The following CCDC136 variants were observed in gnomAD, a reference collection of about 807,000 sequenced individuals.
The protein encoded by CCDC136 is coiled-coil domain-containing protein 136.
Under a neutral mutation model 141.2 loss-of-function variants are expected in CCDC136, and 100 were observed. That is an observed-to-expected ratio of 0.71 (90% confidence interval 0.60 to 0.84). The LOEUF is 0.84. CCDC136 is among the 40% of genes least tolerant of loss of function. The probability of loss-of-function intolerance (pLI) is 0.00; values close to 1 mark genes in which losing one functional copy is unlikely to be tolerated. For missense variants in CCDC136, 1,206 were observed against 1,379.4 expected (o/e 0.87, Z 1.99); for synonymous variants, 474 against 531.9 (o/e 0.89, Z 1.50).
intron 1 of CCDC136, among the ~76,000 whole-genome samples, chr7:128,792,764 A>G (rs902363432): frequency 6.6e-6 from 1 of 152,232 alleles, no homozygotes; most frequent in African/African-American, 2.4e-5. Context: ...CCCAGATCCC[A>G]AGCTGTCTCT....
At position 128,806,381 on chromosome 7, in the gene CCDC136, A is replaced by G. The variant is rs550176427; in HGVS notation, c.1234A>G (p.Asn412Asp). The G allele has an allele frequency of 1.1e-5, 17 of 1,602,946 alleles. No homozygotes were observed. In the South Asian group the frequency reaches 1.6e-4, roughly 15 times the overall value. Residue 412 changes from asparagine (N) to aspartate (D), a missense_variant, in exon 8 of 18, where the codon AAC becomes GAC. Asn to Asp is a conservative substitution (Grantham distance 23). Coordinates refer to ENST00000297788, the MANE Select transcript of CCDC136 (RefSeq NM_022742.5). ...AGTCATGAAATCCACACTTGTAGAA[A>G]ACCAGAGTGAGAAGGTAACAGCAAC... ...LKVMKSTLVE[N>D]QSEKELLCRL...
Position 128,814,092 on chromosome 7 carries a change from C to CT in CCDC136, c.2764-534dup, listed in dbSNP as rs1311663497. On this transcript the variant is annotated intron_variant, in intron 14 of 17. Transcript: ENST00000297788. Reference sequence around the variant, plus strand: ...CCATTTAAATCATTGTTTTGACCTTCTTTTTTTTTTTTGAGACAGAGTCTT... The same window carrying CT: ...CCATTTAAATCATTGTTTTGACCTTCTTTTTTTTTTTTTGAGACAGAGTCTT... Among the ~76,000 whole-genome samples the CT allele has an allele frequency of 3.9e-3, 563 of 145,306 alleles. 3 individuals are homozygous for CT. Among genetic ancestry groups the CT allele is most frequent in the East Asian group, 0.015 (73 of 4,940 alleles).
At chr7:128,796,743 T>TATATATATATATATATATATA (rs1282909541) in intron 3 of CCDC136, among the ~76,000 whole-genome samples, 9 of 99,478 alleles carry the variant, frequency 9.0e-5, no homozygotes, top group East Asian at 6.1e-4. Context: ...ATATATATTC[T>TATATATATATATATATATATA]TTTTTTTTTT....
At position 128,795,111 on chromosome 7, in the gene CCDC136, G is replaced by A. The variant is rs948577097; in HGVS notation, c.346+343G>A. 5.3e-5 allele frequency among the ~76,000 whole-genome samples: 8 copies of A among 152,164 alleles called. No individual in the cohort carries two copies. In the South Asian group the frequency reaches 1.5e-3, roughly 28 times the overall value. ...CCTTTGTTCTCCTGGTCAGTGCCAG[G>A]GGTGGGTGATCCAAGTTGAATTCCA... On this transcript the variant is annotated intron_variant, in intron 3 of 17. Transcript: ENST00000297788.
upstream of CCDC136, among the ~76,000 whole-genome samples, chr7:128,791,249 A>G (rs1802124179): frequency 6.6e-6 from 1 of 151,488 alleles, no homozygotes; most frequent in South Asian, 2.1e-4. This position sits in a 1 kb window ranked among gnomAD's most constrained non-coding sequence, Gnocchi z 7.1. Flanking sequence ...TCTCTAGGGG[A>G]GAGCCTTGGG....
At chr7:128,791,855 C>G (rs1260046532), upstream of CCDC136, 3 of 392,074 alleles carry the variant, frequency 7.7e-6, no homozygotes, top group African/African-American at 4.2e-5. The surrounding 1 kb of genome is among the most constrained non-coding windows in gnomAD (Gnocchi z 7.1). Context: ...CCCGGAGACT[C>G]CTGAGCGCGG....
Position 128,792,385 on chromosome 7 carries a change from C to T in CCDC136, c.-27C>T. On this transcript the variant is annotated 5_prime_UTR_variant, in exon 1 of 18. It adds an upstream start codon to the 5' untranslated region. Transcript: ENST00000297788. The stretch of plus-strand genomic sequence containing the variant: ...GGGCTGTGAGAGGAAGAAGGGCCAA[C>T]GCTGGGGGTCCCTGGAACGACGGGG... 1.2e-6 allele frequency: 2 copies of T among 1,604,702 alleles called. No individual in the cohort carries two copies. Among genetic ancestry groups the T allele is most frequent in the Non-Finnish European group, 1.7e-6 (2 of 1,174,882 alleles).
intron 17 of CCDC136, among the ~76,000 whole-genome samples, chr7:128,819,961 C>T (rs1281024145): frequency 6.6e-6 from 1 of 152,132 alleles, no homozygotes; most frequent in Non-Finnish European, 1.5e-5. Context: ...CGTCCTCTCC[C>T]CATTCTGTAC....
intron 4 of CCDC136, among the ~76,000 whole-genome samples, chr7:128,803,815 CT>C (rs547570254): frequency 0.012 from 1,683 of 135,118 alleles, 11 homozygotes; most frequent in African/African-American, 0.034. Flanking sequence ...GAAAGAATTC[CT>C]TTTTTTTTTT....
intron 17 of CCDC136, chr7:128,818,320 A>G (rs1404762835): frequency 6.1e-6 from 1 of 164,716 alleles, no homozygotes; most frequent in Non-Finnish European, 1.3e-5. Flanking sequence ...AGATGGCAAA[A>G]TAAGGAATCC....
chr7:128,796,168 G>A (rs1585051419), intron 3 of CCDC136, among the ~76,000 whole-genome samples: 1 of 152,146 alleles, frequency 6.6e-6, no homozygotes, highest in East Asian at 1.9e-4. Context: ...TAGAGATGGA[G>A]TTTCACCATG....
chr7:128,814,594 C>T (rs762347925), intron 14 of CCDC136, 44 bp from the exon 15 acceptor site: 8 of 1,493,402 alleles, frequency 5.4e-6, no homozygotes, highest in Non-Finnish European at 3.6e-6. Flanking sequence ...CAACTGGTTG[C>T]ATAACCAGCC....
intron 8 of CCDC136, 23 bp downstream of exon 8, chr7:128,806,418 G>A: frequency 1.3e-6 from 2 of 1,582,144 alleles, no homozygotes; most frequent in South Asian, 2.3e-5. Flanking sequence ...AGAGGTGAGG[G>A]GACAACTTAG....
intron 3 of CCDC136, among the ~76,000 whole-genome samples, chr7:128,796,907 AATTTTTTGT>A (rs1192857289): frequency 2.0e-5 from 3 of 148,600 alleles, no homozygotes; most frequent in Non-Finnish European, 4.5e-5. Context: ...ACGCCCGGCT[AATTTTTTGT>A]ATTTTTAGTA....
At chr7:128,808,594 G>C in intron 10 of CCDC136, 3 of 985,434 alleles carry the variant, frequency 3.0e-6, no homozygotes, top group Non-Finnish European at 3.6e-6. Context: ...AACGATGGTG[G>C]AGTTGGTCAC....
chr7:128,801,336 G>A lies in CCDC136; in HGVS notation c.497G>A (p.Ser166Asn), dbSNP rs1203028808. The part of the protein sequence containing the change: ...AAEDSATEHE[S>N]DIASLQEDLC... ...GAGGATTCCGCAACTGAACATGAGA[G>A]TGACATAGCATCCCTGCAGGAGGAT... Residue 166 changes from serine (S) to asparagine (N), a missense_variant, in exon 4 of 18, where the codon AGT (serine) becomes AAT (asparagine). Physicochemically the swap from Ser to Asn is conservative, Grantham distance 46. Coordinates refer to ENST00000297788, the MANE Select transcript of CCDC136 (RefSeq NM_022742.5). 1.2e-6 allele frequency: 2 copies of A among 1,613,668 alleles called. No homozygotes were observed. The highest frequency in any genetic ancestry group is 2.7e-5 in the African/African-American group (2 of 74,916).
intron 12 of CCDC136, chr7:128,811,385 G>T (rs1161794434): frequency 4.4e-6 from 2 of 458,478 alleles, no homozygotes; most frequent in African/African-American, 2.0e-5. Context: ...TCATATTGCC[G>T]CATTCAAGGC....
intron 1 of CCDC136, among the ~76,000 whole-genome samples, chr7:128,793,012 T>C (rs1229396126): frequency 1.3e-5 from 2 of 152,242 alleles, no homozygotes; most frequent in Non-Finnish European, 2.9e-5. Flanking sequence ...CATTTGCCAG[T>C]ACTTCCTGTG....
At chr7:128,814,555 G>C (rs1289839604) in intron 14 of CCDC136, 83 bp from the exon 15 acceptor site, 1 of 1,093,898 alleles carries the variant, frequency 9.1e-7, no homozygotes, top group African/African-American at 1.6e-5. Context: ...TGACCCCCAA[G>C]CAGGGCTGAG....
Sources: gnomAD v4.1 joint callset for allele counts (sites outside exome capture counted in the v4.1 genomes callset) on GRCh38, gnomAD v4.1.1 for gene constraint, Gnocchi (gnomAD v3.1) non-coding constraint, MANE v1.5 for transcripts, NCBI Gene and HGNC (gene_info 2026-07-23, HGNC 2026-07-21) for gene names.